The following EPS8 variants were observed in gnomAD, a reference collection of about 807,000 sequenced individuals.
EPS8 encodes the protein EGFR pathway substrate 8, signaling adaptor.
In EPS8, 42 loss-of-function variants were observed where a neutral mutation model predicts 103.8. The observed-to-expected ratio is 0.40, with a 90% CI of 0.32 to 0.52. EPS8 has a LOEUF of 0.52. Among genes scored for constraint, EPS8 ranks in the 20% least tolerant of loss-of-function variants. The pLI is 0.40. For missense variants in EPS8, 969 were observed against 1,005.1 expected (o/e 0.96, Z 0.49); for synonymous variants, 344 against 344.6 (o/e 1.00, Z 0.02).
chr12:15,727,735 G>C lies in EPS8; in HGVS notation c.-21-44763C>G, dbSNP rs1328723490. Among the ~76,000 whole-genome samples the C allele has an allele frequency of 1.3e-5, 2 of 152,128 alleles. No homozygotes were observed. Among genetic ancestry groups the C allele is most frequent in the Admixed American group, 6.5e-5 (1 of 15,270 alleles). On this transcript the variant is annotated intron_variant, in intron 1 of 20. Transcript: ENST00000281172. The surrounding 1 kb of genome is among the most constrained non-coding windows in gnomAD (Gnocchi z 4.3). The stretch of plus-strand genomic sequence containing the variant: ...TAGCCGGGCGTGGTGGCGCGTGCCT[G>C]TAATCCCAGCTACTCAGGAGGCTGA...
At position 15,762,863 on chromosome 12, in the gene EPS8, T is replaced by C. The variant is rs913725951; in HGVS notation, c.-22+26298A>G. On this transcript the variant is annotated intron_variant, in intron 1 of 20. Coordinates refer to ENST00000281172, the MANE Select transcript of EPS8 (RefSeq NM_004447.6). This position sits in a 1 kb window ranked among gnomAD's most constrained non-coding sequence, Gnocchi z 4.8. The stretch of plus-strand genomic sequence containing the variant: ...ATTTGATAGCACAACAGGGTGACTA[T>C]AGTCAATAATAATTTAATTGTACTA... Among the ~76,000 whole-genome samples, 4 of 152,126 alleles carry C rather than the reference T, an allele frequency of 2.6e-5. No individual in the cohort carries two copies. The highest frequency in any genetic ancestry group is 4.4e-5 in the Non-Finnish European group (3 of 68,004).
At chr12:15,635,512 G>A (rs183908855) in intron 17 of EPS8, among the ~76,000 whole-genome samples, 46 of 152,220 alleles carry the variant, frequency 3.0e-4, no homozygotes, top group Middle Eastern at 3.4e-3. Flanking sequence ...TGGTAAAATC[G>A]TCACTCTATC....
intron 1 of EPS8, among the ~76,000 whole-genome samples, chr12:15,712,200 C>G (rs1301778462): frequency 6.6e-6 from 1 of 151,764 alleles, no homozygotes; most frequent in African/African-American, 2.4e-5. Flanking sequence ...CATTAATTGA[C>G]TATTTAAACA....
Position 15,650,913 on chromosome 12 carries a change from T to C in EPS8, c.1344A>G (p.Thr448=). 1.9e-6 allele frequency: 3 copies of C among 1,614,102 alleles called. No individual in the cohort carries two copies. The highest frequency in any genetic ancestry group is 2.5e-6 in the Non-Finnish European group (3 of 1,179,944). ...CCAGTTGATAAAGATCTTGTTCCATTGTGGCTCCCATAAAGTTCAGCATTG... is the reference window on the plus strand; with the variant it reads ...CCAGTTGATAAAGATCTTGTTCCATCGTGGCTCCCATAAAGTTCAGCATTG... The part of the protein sequence containing the change: ...EPPMLNFMGA[T]MEQDLYQLAE... Residue 448 remains threonine, a synonymous_variant, in exon 14 of 21, where the codon ACA becomes ACG. Transcript: ENST00000281172.
intron 3 of EPS8, among the ~76,000 whole-genome samples, chr12:15,674,251 TC>T (rs1375360812): frequency 6.6e-6 from 1 of 152,154 alleles, no homozygotes; most frequent in African/African-American, 2.4e-5. Flanking sequence ...TTTTTCTCTT[TC>T]TCTAAAAACA....
chr12:15,669,311 A>C, intron 6 of EPS8, 76 bp downstream of exon 6: 1 of 1,358,516 alleles, frequency 7.4e-7, no homozygotes, highest in African/African-American at 1.5e-5. Context: ...ATGCAGATAT[A>C]TTATCAAAAT....
rs1565487214 is a variant in EPS8, at chr12:15,663,940, A to AT, written c.736+1815_736+1816insA. 2.5e-3 allele frequency among the ~76,000 whole-genome samples: 27 copies of AT among 10,754 alleles called. 1 individual carries two copies. The highest frequency in any genetic ancestry group is 7.1e-3 in the Non-Finnish European group (18 of 2,552). 7.1% of individuals were successfully genotyped at this position (10,754 alleles called of 152,430 possible). On this transcript the variant is annotated intron_variant, in intron 8 of 20. Coordinates refer to ENST00000281172, the MANE Select transcript of EPS8 (RefSeq NM_004447.6). The stretch of plus-strand genomic sequence containing the variant: ...CATCTCAAAAAAAAAAAAAAAAAAA[A>AT]AAAAAATAATATATATATATATATA...
intron 3 of EPS8, among the ~76,000 whole-genome samples, chr12:15,676,440 C>T (rs1188748684): frequency 3.3e-5 from 5 of 151,918 alleles, no homozygotes; most frequent in African/African-American, 1.2e-4. Context: ...AAAAGCAGCC[C>T]TAAATATTCA....
At chr12:15,645,240 T>C (rs1002442231) in intron 15 of EPS8, among the ~76,000 whole-genome samples, 5 of 152,112 alleles carry the variant, frequency 3.3e-5, no homozygotes, top group South Asian at 4.1e-4. Flanking sequence ...ACAAATATTA[T>C]TGAGAATTTA....
At chr12:15,671,043 G>T in intron 3 of EPS8, 120 bp from the exon 4 acceptor site, 1 of 613,550 alleles carries the variant, frequency 1.6e-6, no homozygotes, top group Non-Finnish European at 2.8e-6. Flanking sequence ...TAGCTGACAA[G>T]TTGCCATTGT....
Position 15,764,412 on chromosome 12 carries a change from C to T in EPS8, c.-22+24749G>A, listed in dbSNP as rs1565535173. On this transcript the variant is annotated intron_variant, in intron 1 of 20. Transcript: ENST00000281172. The surrounding 1 kb of genome is among the most constrained non-coding windows in gnomAD (Gnocchi z 4.1). ...AAGTCAAGAGACAATCTGTTCAAGT[C>T]CACAAGGTTCCAGGCAAATTAAGAA... 6.6e-6 allele frequency among the ~76,000 whole-genome samples: 1 copy of T among 152,178 alleles called. No individual in the cohort carries two copies. The highest frequency in any genetic ancestry group is 1.5e-5 in the Non-Finnish European group (1 of 68,020).
At chr12:15,694,738 C>T (rs1292287886) in intron 1 of EPS8, among the ~76,000 whole-genome samples, 1 of 152,028 alleles carries the variant, frequency 6.6e-6, no homozygotes, top group Non-Finnish European at 1.5e-5. Context: ...TACCTGCTTA[C>T]ATAGTCATTA....
Position 15,785,265 on chromosome 12 carries a change from G to A in EPS8, c.-22+3896C>T, listed in dbSNP as rs1947300264. Among the ~76,000 whole-genome samples, 1 of 152,124 alleles carries A rather than the reference G, an allele frequency of 6.6e-6. No homozygotes were observed. Among genetic ancestry groups the A allele is most frequent in the Admixed American group, 6.5e-5 (1 of 15,270 alleles). On this transcript the variant is annotated intron_variant, in intron 1 of 20. Coordinates refer to ENST00000281172, the MANE Select transcript of EPS8 (RefSeq NM_004447.6). This position sits in a 1 kb window ranked among gnomAD's most constrained non-coding sequence, Gnocchi z 4.9. The stretch of plus-strand genomic sequence containing the variant: ...TGACTAACTCTAGAAATGAGTAGAA[G>A]CTGTGAGACTAAAAGCAAAAGGAAT...
At chr12:15,656,488 G>A (rs1283926279) in intron 12 of EPS8, among the ~76,000 whole-genome samples, 1 of 152,056 alleles carries the variant, frequency 6.6e-6, no homozygotes, top group African/African-American at 2.4e-5. Context: ...TGTTGATAAT[G>A]TTACTTACTT....
rs902622090 is a variant in EPS8 at position 15,721,309 on chromosome 12, C to A, written c.-21-38337G>T. On this transcript the variant is annotated intron_variant, in intron 1 of 20. Transcript: ENST00000281172. The surrounding 1 kb of genome is among the most constrained non-coding windows in gnomAD (Gnocchi z 4.4). ...TCCCCACTCACAAAAATAAACCTAA[C>A]ACACACCAAATAGATTTTTTAATTG... Among the ~76,000 whole-genome samples the A allele has an allele frequency of 3.3e-5, 5 of 152,160 alleles. No individual in the cohort carries two copies. Among genetic ancestry groups the A allele is most frequent in the Non-Finnish European group, 5.9e-5 (4 of 68,022 alleles).
At position 15,778,767 on chromosome 12, in the gene EPS8, T is replaced by C. The variant is rs966303092; in HGVS notation, c.-22+10394A>G. 6.6e-6 allele frequency among the ~76,000 whole-genome samples: 1 copy of C among 152,200 alleles called. No individual in the cohort carries two copies. Among genetic ancestry groups the C allele is most frequent in the African/African-American group, 2.4e-5 (1 of 41,450 alleles). ...AACATAAACAAGCTGTTCATGCCTT[T>C]ATGGGGGGAATAAAGGTAGTAAATC... On this transcript the variant is annotated intron_variant, in intron 1 of 20. Transcript: ENST00000281172. This position sits in a 1 kb window ranked among gnomAD's most constrained non-coding sequence, Gnocchi z 4.5.
At chr12:15,720,381 G>A (rs913739892) in intron 1 of EPS8, among the ~76,000 whole-genome samples, 8 of 151,948 alleles carry the variant, frequency 5.3e-5, no homozygotes, top group African/African-American at 1.9e-4. Flanking sequence ...TTGAACCCCT[G>A]GGCTACAGCA....
At chr12:15,628,200 A>G (rs1944982579) in intron 18 of EPS8, among the ~76,000 whole-genome samples, 2 of 152,168 alleles carry the variant, frequency 1.3e-5, no homozygotes, top group Admixed American at 1.3e-4. Flanking sequence ...CCTTTTAAAA[A>G]ATCACTACAA....
At chr12:15,683,081 A>G (rs1946037644) in intron 1 of EPS8, 109 bp from the exon 2 acceptor site, 3 of 556,686 alleles carry the variant, frequency 5.4e-6, no homozygotes, top group Non-Finnish European at 6.1e-6. Flanking sequence ...ATTATAGTAG[A>G]AATGCAAAGA....
Sources: gnomAD v4.1 joint callset for allele counts (sites outside exome capture counted in the v4.1 genomes callset) on GRCh38, gnomAD v4.1.1 for gene constraint, Gnocchi (gnomAD v3.1) non-coding constraint, MANE v1.5 for transcripts, NCBI Gene and HGNC (gene_info 2026-07-23, HGNC 2026-07-21) for gene names.